TMEM117: variants seen among roughly 807,000 people sequenced by gnomAD.
The protein encoded by TMEM117 is transmembrane protein 117.
In TMEM117, 27 loss-of-function variants were observed where a neutral mutation model predicts 52.4. The observed-to-expected ratio is 0.51, with a 90% CI of 0.38 to 0.71. The LOEUF (loss-of-function observed/expected upper bound fraction) is 0.71, where lower values mean the gene tolerates loss of function less well. Ranked by LOEUF, TMEM117 falls within the 30% of genes least tolerant of loss-of-function variation. TMEM117 has a pLI of 0.00. For synonymous variants in TMEM117, 215 were observed against 206.3 expected, an observed-to-expected ratio of 1.04 and a Z score of -0.36; for missense variants, 556 against 630.5, an observed-to-expected ratio of 0.88 and a Z score of 1.26.
At chr12:44,190,460 A>G (rs949751460) in intron 4 of TMEM117, among the ~76,000 whole-genome samples, 1 of 152,136 alleles carries the variant, frequency 6.6e-6, no homozygotes, top group Non-Finnish European at 1.5e-5. Flanking sequence ...GTGTGCCAGG[A>G]GCATTGCTCA....
intron 3 of TMEM117, among the ~76,000 whole-genome samples, chr12:44,053,352 T>C (rs1315774374): frequency 6.6e-6 from 1 of 152,200 alleles, no homozygotes; most frequent in Non-Finnish European, 1.5e-5. Flanking sequence ...GATGAAGAGA[T>C]ACTCAGCGCA....
At chr12:44,073,044 C>T (rs913198168) in intron 3 of TMEM117, among the ~76,000 whole-genome samples, 5 of 151,642 alleles carry the variant, frequency 3.3e-5, no homozygotes, top group African/African-American at 4.8e-5. Flanking sequence ...GAGCTGAGGT[C>T]GTACTACTGC....
chr12:43,968,871 G>A (rs1945528148), intron 3 of TMEM117, among the ~76,000 whole-genome samples: 1 of 152,132 alleles, frequency 6.6e-6, no homozygotes, highest in Admixed American at 6.6e-5. Flanking sequence ...ACTGCAGCCT[G>A]CACATGGGGA....
chr12:43,996,077 A>G (rs892100248), intron 3 of TMEM117, among the ~76,000 whole-genome samples: 6 of 152,260 alleles, frequency 3.9e-5, no homozygotes, highest in Non-Finnish European at 8.8e-5. Flanking sequence ...ATGACAACAG[A>G]AATCTTTTAC....
intron 3 of TMEM117, among the ~76,000 whole-genome samples, chr12:44,116,566 G>A (rs12315961): frequency 0.25 from 37,876 of 152,032 alleles, 8,334 homozygotes; most frequent in African/African-American, 0.6. Flanking sequence ...TCTTGATCCC[G>A]GTGCAGACTA....
At chr12:43,980,671 G>A (rs1040852435) in intron 3 of TMEM117, among the ~76,000 whole-genome samples, 2 of 152,062 alleles carry the variant, frequency 1.3e-5, no homozygotes, top group African/African-American at 4.8e-5. Flanking sequence ...GTGATCTGTT[G>A]CAGTATTCCT....
At chr12:44,141,555 A>T (rs1370427532) in intron 3 of TMEM117, among the ~76,000 whole-genome samples, 3 of 152,206 alleles carry the variant, frequency 2.0e-5, no homozygotes, top group Non-Finnish European at 1.5e-5. Flanking sequence ...GTATGCAATT[A>T]CAGGGAATAT....
chr12:43,807,059 C>A, the TMEM117 span, among the ~76,000 whole-genome samples: 1 of 152,144 alleles, frequency 6.6e-6, no homozygotes, highest in East Asian at 1.9e-4. Context: ...ACTTAAAAAT[C>A]TTTTCCTTTC....
chr12:43,834,014 G>A (rs1429083825), upstream of TMEM117, among the ~76,000 whole-genome samples: 1 of 152,100 alleles, frequency 6.6e-6, no homozygotes, highest in Non-Finnish European at 1.5e-5. Flanking sequence ...GATCACTTGA[G>A]CCCAGCAGGT....
downstream of TMEM117, among the ~76,000 whole-genome samples, chr12:44,391,783 C>T (rs1332081344): frequency 1.3e-5 from 2 of 152,222 alleles, no homozygotes; most frequent in Admixed American, 6.5e-5. Flanking sequence ...CATTGTTTCT[C>T]ATCTGCCTTC....
intron 2 of TMEM117, among the ~76,000 whole-genome samples, chr12:43,890,143 T>C (rs186037513): frequency 1.4e-4 from 22 of 152,320 alleles, no homozygotes; most frequent in Admixed American, 1.4e-3. Context: ...TGTTCTATAA[T>C]ATGTAACTCA....
At chr12:44,287,162 C>G (rs540727277) in intron 5 of TMEM117, among the ~76,000 whole-genome samples, 60 of 152,210 alleles carry the variant, frequency 3.9e-4, no homozygotes, top group African/African-American at 1.3e-3. Flanking sequence ...TTCTATTAAC[C>G]TAAGAGGTAT....
intron 5 of TMEM117, among the ~76,000 whole-genome samples, chr12:44,291,867 A>G (rs1950709501): frequency 6.6e-6 from 1 of 151,888 alleles, no homozygotes; most frequent in Non-Finnish European, 1.5e-5. Context: ...ATTCTTTTAA[A>G]GTGTTATTAA....
At chr12:44,163,768 A>G (rs1214831072) in intron 4 of TMEM117, among the ~76,000 whole-genome samples, 1 of 152,232 alleles carries the variant, frequency 6.6e-6, no homozygotes, top group East Asian at 1.9e-4. Context: ...AGTGTCACAA[A>G]TGTGACTTCT....
At chr12:44,276,908 ATGTG>A (rs754059220) in intron 5 of TMEM117, among the ~76,000 whole-genome samples, 13 of 143,714 alleles carry the variant, frequency 9.0e-5, no homozygotes, top group East Asian at 4.1e-4. Flanking sequence ...GTGTGTGTGT[ATGTG>A]TGTGTGTGTG....
chr12:44,051,223 A>C (rs1241385394), intron 3 of TMEM117, among the ~76,000 whole-genome samples: 5 of 152,164 alleles, frequency 3.3e-5, no homozygotes, highest in African/African-American at 4.8e-5. Context: ...AAAATATGAT[A>C]AATCCTGTAG....
At chr12:44,269,182 A>C (rs981813579) in intron 5 of TMEM117, among the ~76,000 whole-genome samples, 3 of 152,126 alleles carry the variant, frequency 2.0e-5, no homozygotes, top group African/African-American at 7.2e-5. Flanking sequence ...GCTATGTGAT[A>C]ATTTTATTAC....
At chr12:44,382,833 T>C (rs1484937770) in intron 7 of TMEM117, among the ~76,000 whole-genome samples, 2 of 152,120 alleles carry the variant, frequency 1.3e-5, no homozygotes, top group Non-Finnish European at 2.9e-5. Flanking sequence ...ATATTTTCAG[T>C]TTACGAAATG....
intron 3 of TMEM117, among the ~76,000 whole-genome samples, chr12:43,970,854 A>C (rs139408797): frequency 6.6e-6 from 1 of 151,616 alleles, no homozygotes; most frequent in African/African-American, 2.4e-5. Context: ...AGCTTGATTC[A>C]CTGTCTTTAT....
Sources: gnomAD v4.1 joint callset for allele counts (sites outside exome capture counted in the v4.1 genomes callset) on GRCh38, gnomAD v4.1.1 for gene constraint, MANE v1.5 for transcripts, NCBI Gene and HGNC (gene_info 2026-07-23, HGNC 2026-07-21) for gene names.